COL11A1: variants seen among roughly 807,000 people sequenced by gnomAD.
The protein encoded by COL11A1 is collagen alpha-1(XI) chain.
Under a neutral mutation model 265.2 loss-of-function variants are expected in COL11A1, and 74 were observed. The ratio of observed to expected loss-of-function variants is 0.28; its 90% CI spans 0.23 to 0.34. The LOEUF (loss-of-function observed/expected upper bound fraction) is 0.34. Ranked by LOEUF, COL11A1 falls within the 10% of genes least tolerant of loss-of-function variation. The pLI, the probability that COL11A1 is intolerant of heterozygous loss-of-function variation, is 1.00. For synonymous variants in COL11A1, 816 were observed against 727.6 expected, an observed-to-expected ratio of 1.12 and a Z score of -1.96; for missense variants, 2,165 against 2,263.6, an observed-to-expected ratio of 0.96 and a Z score of 0.88.
intron 42 of COL11A1, among the ~76,000 whole-genome samples, chr1:102,946,250 C>A (rs1172087392): frequency 1.3e-5 from 2 of 149,284 alleles, no homozygotes; most frequent in African/African-American, 4.9e-5. Context: ...ATGGGTGCAG[C>A]ACACCAGCAT....
At chr1:102,888,688 T>C in intron 61 of COL11A1, 35 bp downstream of exon 61, 1 of 1,613,810 alleles carries the variant, frequency 6.2e-7, no homozygotes, top group East Asian at 2.2e-5. Context: ...TAGGTTTCAA[T>C]GCAAAATTAA....
At chr1:103,038,232 G>GT (rs1668528807) in intron 4 of COL11A1, among the ~76,000 whole-genome samples, 2 of 152,124 alleles carry the variant, frequency 1.3e-5, no homozygotes, top group African/African-American at 4.8e-5. Flanking sequence ...GGAGGCTGAG[G>GT]TGGGTGGATC....
At chr1:103,020,849 C>T (rs1159542994) in intron 9 of COL11A1, among the ~76,000 whole-genome samples, 1 of 127,904 alleles carries the variant, frequency 7.8e-6, no homozygotes, top group African/African-American at 2.8e-5. Context: ...AATAGGGAAT[C>T]CTTTCCCCAT....
At chr1:102,972,939 A>C (rs558106100) in intron 36 of COL11A1, among the ~76,000 whole-genome samples, 151 of 152,260 alleles carry the variant, frequency 9.9e-4, no homozygotes, top group Non-Finnish European at 1.3e-3. Flanking sequence ...TATTAACAGA[A>C]TCTGAAGGGA....
At chr1:103,058,312 G>A (rs1006655707) in intron 4 of COL11A1, among the ~76,000 whole-genome samples, 3 of 152,100 alleles carry the variant, frequency 2.0e-5, no homozygotes, top group Admixed American at 6.5e-5. Flanking sequence ...ATTAAGCTGC[G>A]GCATAAGAGA....
At chr1:103,071,977 C>A (rs1438921567) in intron 4 of COL11A1, among the ~76,000 whole-genome samples, 1 of 150,744 alleles carries the variant, frequency 6.6e-6, no homozygotes, top group Admixed American at 6.6e-5. Flanking sequence ...TTATATTTCC[C>A]ATTTGAAACT....
chr1:102,938,891 A>G (rs1658424935), intron 44 of COL11A1, 144 bp downstream of exon 44: 1 of 679,892 alleles, frequency 1.5e-6, no homozygotes, highest in Non-Finnish European at 2.6e-6. Context: ...AAAATTATAG[A>G]ATGATATAAC....
rs371701598 is a variant in COL11A1, at chr1:102,966,772, C to A, written c.2863-1232G>T. On this transcript the variant is annotated intron_variant, in intron 37 of 66. Coordinates refer to ENST00000370096, the MANE Select transcript of COL11A1 (RefSeq NM_001854.4). The stretch of plus-strand genomic sequence containing the variant: ...GTGTGTCCCTGGATTATCTCAACAA[C>A]CTCCATCACCACAATTGCCATCTCT... Among the ~76,000 whole-genome samples the A allele has an allele frequency of 5.3e-5, 8 of 152,250 alleles. No individual in the cohort carries two copies. In the East Asian group the frequency reaches 7.7e-4, roughly 15 times the overall value.
intron 4 of COL11A1, among the ~76,000 whole-genome samples, chr1:103,057,653 AAAC>A (rs1237349337): frequency 1.3e-5 from 2 of 152,204 alleles, no homozygotes; most frequent in Non-Finnish European, 2.9e-5. Context: ...GCAAGCATGA[AAAC>A]AACATTAATC....
chr1:102,934,898 A>T (rs183864027), intron 45 of COL11A1, among the ~76,000 whole-genome samples, 162 bp downstream of exon 45: 77 of 152,360 alleles, frequency 5.1e-4, no homozygotes, highest in African/African-American at 1.8e-3. Flanking sequence ...TGTTTCTAAG[A>T]ATCAGCACGG....
chr1:103,036,693 T>C (rs1668399252), intron 4 of COL11A1, among the ~76,000 whole-genome samples: 1 of 152,078 alleles, frequency 6.6e-6, no homozygotes, highest in African/African-American at 2.4e-5. Flanking sequence ...AAGCTCATTG[T>C]TACAGATTGA....
intron 15 of COL11A1, among the ~76,000 whole-genome samples, chr1:103,007,134 A>C (rs561456888): frequency 4.9e-4 from 74 of 152,066 alleles, no homozygotes; most frequent in African/African-American, 1.7e-3. Context: ...ATTTTTCCCC[A>C]CTATACTCCT....
chr1:102,962,795 C>G (rs770366581), intron 38 of COL11A1, 35 bp from the exon 39 acceptor site: 2 of 1,586,010 alleles, frequency 1.3e-6, no homozygotes, highest in South Asian at 1.1e-5. Flanking sequence ...TTAGATTGCT[C>G]TTTTATTTTT....
At chr1:103,078,571 T>A in intron 3 of COL11A1, 87 bp downstream of exon 3, 1 of 1,299,442 alleles carries the variant, frequency 7.7e-7, no homozygotes, top group South Asian at 1.2e-5. Flanking sequence ...AGAAAAACCT[T>A]ATCACACTTC....
At chr1:102,929,719 C>T (rs1464244142) in intron 46 of COL11A1, among the ~76,000 whole-genome samples, 11,309 of 150,670 alleles carry the variant, frequency 0.075, 944 homozygotes, top group African/African-American at 0.2. Flanking sequence ...TCTTCCTACC[C>T]ATTTGCATGG....
rs769773255 is a variant in COL11A1, at chr1:102,935,053, T to C, written c.3492+7A>G. On this transcript the variant is annotated splice_region_variant and intron_variant, in intron 45 of 66. Transcript: ENST00000370096. ...TTTAGATTTGCTGAACAATGTGGAA[T>C]ACTCACAGCAATTCCAGGGGCACCA... is the stretch of plus-strand genomic sequence containing the variant. The C allele has an allele frequency of 2.5e-6, 4 of 1,613,806 alleles. No homozygotes were observed. The East Asian group carries it at 6.7e-5, about 27-fold the overall frequency.
In COL11A1 at chr1:102,879,767, T is replaced by C. The variant is rs1402189380; in HGVS notation, c.5190A>G (p.Lys1730=). 11 of 1,613,996 alleles carry C rather than the reference T, an allele frequency of 6.8e-6. No individual in the cohort carries two copies. Among genetic ancestry groups the C allele is most frequent in the Non-Finnish European group, 9.3e-6 (11 of 1,179,904 alleles). The change falls in exon 66 of 67, where the codon AAA becomes AAG. Residue 1730 remains lysine (K), a synonymous_variant. Coordinates refer to ENST00000370096, the MANE Select transcript of COL11A1 (RefSeq NM_001854.4). The stretch of plus-strand genomic sequence containing the variant: ...CATTTGATCCCAGGAAGCGAAGTGC[T>C]TTGTCATAACTTCCTGATGACACAT... The part of the protein sequence containing the change: ...WYDVSSGSYD[K]ALRFLGSNDE...
chr1:103,049,500 G>C (rs1405290390), intron 4 of COL11A1, among the ~76,000 whole-genome samples: 2 of 152,058 alleles, frequency 1.3e-5, no homozygotes, highest in Non-Finnish European at 2.9e-5. Context: ...TATCTCTGCA[G>C]GTGAGATGGG....
chr1:103,049,338 C>G (rs1171614341), intron 4 of COL11A1, among the ~76,000 whole-genome samples: 6 of 152,118 alleles, frequency 3.9e-5, no homozygotes, highest in African/African-American at 1.4e-4. Context: ...GAATTGATCC[C>G]TTTACCATTA....
Sources: gnomAD v4.1 joint callset for allele counts (sites outside exome capture counted in the v4.1 genomes callset) on GRCh38, gnomAD v4.1.1 for gene constraint, MANE v1.5 for transcripts, NCBI Gene and HGNC (gene_info 2026-07-23, HGNC 2026-07-21) for gene names.